Variants in ENPP2 observed in about 807,000 individuals in gnomAD.
The protein encoded by ENPP2 is autotaxin.
ENPP2 carries 51 observed loss-of-function variants against 120.2 expected under a neutral mutation model. The observed-to-expected ratio is 0.42, with a 90% CI of 0.34 to 0.54. The LOEUF (loss-of-function observed/expected upper bound fraction) is 0.54, where lower values mean the gene tolerates loss of function less well. Among genes scored for constraint, ENPP2 ranks in the 20% least tolerant of loss-of-function variants. ENPP2 has a pLI of 0.04. For synonymous variants in ENPP2, 365 were observed against 366.4 expected (o/e 1.00, Z 0.04); for missense variants, 920 against 1,066.5 (o/e 0.86, Z 1.91).
At chr8:119,595,358 C>T (rs910412798) in intron 11 of ENPP2, among the ~76,000 whole-genome samples, 2 of 152,166 alleles carry the variant, frequency 1.3e-5, no homozygotes, top group Non-Finnish European at 1.5e-5. Flanking sequence ...TCTATCCGCC[C>T]ATTATTTTCT....
chr8:119,644,605 TATATATATATATATATATATAC>T lies in ENPP2; in HGVS notation c.22-6100_22-6079del, dbSNP rs1166505586. 1.1e-3 allele frequency among the ~76,000 whole-genome samples: 111 copies of T among 97,908 alleles called. 3 individuals are homozygous for T. The highest frequency in any genetic ancestry group is 3.6e-3 in the African/African-American group (88 of 24,442). 64.2% of individuals were successfully genotyped at this position (97,908 alleles called of 152,430 possible). ...TTACTAAAATATATATATATATATATATATATATATATATATATATACACACACACACACACACACACATATA... is the reference window on the plus strand; with the variant it reads ...TTACTAAAATATATATATATATATATACACACACACACACACACACATATA... On this transcript the variant is annotated intron_variant, in intron 1 of 25. Transcript: ENST00000427067.
intron 19 of ENPP2, among the ~76,000 whole-genome samples, chr8:119,579,132 A>G (rs1015546376): frequency 4.6e-5 from 7 of 152,190 alleles, no homozygotes; most frequent in African/African-American, 1.7e-4. Flanking sequence ...AGTAACATGT[A>G]TAGGAGGCTT....
rs147600395 is a variant in ENPP2 at position 119,609,998 on chromosome 8, G to A, written c.778-2021C>T. Among the ~76,000 whole-genome samples, 103 of 152,156 alleles carry A rather than the reference G, an allele frequency of 6.8e-4. 2 individuals are homozygous for A. The South Asian group carries it at 0.019, about 28-fold the overall frequency. ...GTTAATTTAACTCAGTAATCCTTAG[G>A]GAAAAAAGATCACTGGAAGAGGTCT... On this transcript the variant is annotated intron_variant, in intron 8 of 24. Coordinates refer to ENST00000075322, the MANE Select transcript of ENPP2 (RefSeq NM_001040092.3).
intron 1 of ENPP2, among the ~76,000 whole-genome samples, chr8:119,653,108 C>A (rs1349801092): frequency 1.3e-5 from 2 of 152,188 alleles, no homozygotes; most frequent in African/African-American, 4.8e-5. Context: ...CCTAGCCAGA[C>A]TCCGTCTAGA....
At chr8:119,635,048 A>G (rs572022899) in intron 2 of ENPP2, among the ~76,000 whole-genome samples, 2 of 152,250 alleles carry the variant, frequency 1.3e-5, no homozygotes, top group Non-Finnish European at 2.9e-5. Context: ...CACAGAGCAA[A>G]TGGCTGATCT....
intron 19 of ENPP2, among the ~76,000 whole-genome samples, chr8:119,573,922 T>C (rs1453982645): frequency 1.3e-5 from 2 of 152,226 alleles, no homozygotes; most frequent in African/African-American, 4.8e-5. Context: ...GACTGCCTTT[T>C]TCTCAATTAT....
chr8:119,618,548 G>T, intron 5 of ENPP2: 1 of 317,222 alleles, frequency 3.2e-6, no homozygotes, highest in Non-Finnish European at 6.1e-6. Context: ...TGCCTTGGAT[G>T]CCTTTTTTTT....
intron 19 of ENPP2, among the ~76,000 whole-genome samples, chr8:119,579,563 A>G (rs79744560): frequency 8.9e-6 from 1 of 111,790 alleles, no homozygotes; most frequent in Non-Finnish European, 1.8e-5. Context: ...ACAAATCACT[A>G]ATTTTTTTTT....
At chr8:119,588,087 A>G (rs1455625184) in intron 13 of ENPP2, among the ~76,000 whole-genome samples, 2 of 152,316 alleles carry the variant, frequency 1.3e-5, no homozygotes, top group South Asian at 2.1e-4. Context: ...TCCAAAGTCT[A>G]TTTTCAGAAT....
intron 13 of ENPP2, among the ~76,000 whole-genome samples, chr8:119,589,897 T>C (rs1192599963): frequency 6.6e-6 from 1 of 152,202 alleles, no homozygotes; most frequent in East Asian, 1.9e-4. Context: ...TGGTAGATCA[T>C]AACCTGAACA....
chr8:119,634,145 T>C (rs1420370786), intron 2 of ENPP2, among the ~76,000 whole-genome samples: 1 of 152,056 alleles, frequency 6.6e-6, no homozygotes, highest in Admixed American at 6.6e-5. Flanking sequence ...ATCACGCCAC[T>C]GCACTCCAGT....
At chr8:119,631,643 A>G (rs1816693790) in intron 2 of ENPP2, among the ~76,000 whole-genome samples, 1 of 152,194 alleles carries the variant, frequency 6.6e-6, no homozygotes, top group Admixed American at 6.5e-5. Context: ...TAAATTAACA[A>G]ATAAATAAAA....
chr8:119,619,410 G>C, intron 4 of ENPP2, 106 bp from the exon 5 acceptor site: 1 of 633,278 alleles, frequency 1.6e-6, no homozygotes, highest in Non-Finnish European at 2.4e-6. Flanking sequence ...TTCTTTATGG[G>C]ATATAACAAA....
At chr8:119,581,560 A>G (rs1160350195) in intron 18 of ENPP2, among the ~76,000 whole-genome samples, 1 of 151,994 alleles carries the variant, frequency 6.6e-6, no homozygotes, top group Non-Finnish European at 1.5e-5. Flanking sequence ...GCCAAATACA[A>G]TAGTTCCTTC....
intron 2 of ENPP2, among the ~76,000 whole-genome samples, chr8:119,629,527 T>A (rs191028300): frequency 6.6e-6 from 1 of 152,262 alleles, no homozygotes; most frequent in East Asian, 1.9e-4. Context: ...AAAGTCAGAG[T>A]CATCCAATCC....
intron 4 of ENPP2, 113 bp from the exon 5 acceptor site, chr8:119,619,417 CAAAA>C: frequency 6.9e-5 from 30 of 435,350 alleles, no homozygotes; most frequent in South Asian, 1.1e-4. Flanking sequence ...TGGGATATAA[CAAAA>C]AAAAAAAAAA....
At chr8:119,586,915 A>G (rs1009068263) in intron 14 of ENPP2, 129 bp downstream of exon 14, 2 of 726,268 alleles carry the variant, frequency 2.8e-6, no homozygotes, top group African/African-American at 1.8e-5. Context: ...ACAAATATAC[A>G]GGATGGCAGG....
At chr8:119,618,653 C>T (rs1024576136) in intron 5 of ENPP2, among the ~76,000 whole-genome samples, 1 of 151,730 alleles carries the variant, frequency 6.6e-6, no homozygotes, top group Non-Finnish European at 1.5e-5. Flanking sequence ...GATTCTCATG[C>T]CTCTGCCTCC....
chr8:119,582,057 T>C (rs1812783542), intron 18 of ENPP2, among the ~76,000 whole-genome samples: 2 of 152,174 alleles, frequency 1.3e-5, no homozygotes, highest in Non-Finnish European at 2.9e-5. Context: ...AAACCTCTTC[T>C]ATATGGGCCA....
Sources: gnomAD v4.1 joint callset for allele counts (sites outside exome capture counted in the v4.1 genomes callset) on GRCh38, gnomAD v4.1.1 for gene constraint, MANE v1.5 for transcripts, NCBI Gene and HGNC (gene_info 2026-07-23, HGNC 2026-07-21) for gene names.